Variants in CFAP299 observed in about 807,000 individuals in gnomAD.
CFAP299 encodes cilia- and flagella-associated protein 299.
A neutral mutation model predicts 27.0 loss-of-function variants in CFAP299; 21 were observed. The observed-to-expected ratio is 0.78, with a 90% CI of 0.55 to 1.12. CFAP299 has a LOEUF of 1.12. CFAP299 is among the 50% of genes most tolerant of loss of function. CFAP299 has a pLI of 0.00. For missense variants in CFAP299, 310 were observed against 276.6 expected, an observed-to-expected ratio of 1.12 and a Z score of -0.86; for synonymous variants, 104 against 98.1, an observed-to-expected ratio of 1.06 and a Z score of -0.36.
intron 3 of CFAP299, among the ~76,000 whole-genome samples, chr4:80,799,132 T>A (rs1417429771): frequency 7.5e-5 from 9 of 120,154 alleles, no homozygotes; most frequent in East Asian, 3.2e-4. Context: ...TATACAATAT[T>A]TATATATATA....
At chr4:80,871,548 G>C (rs1733098649) in intron 4 of CFAP299, 2 of 985,380 alleles carry the variant, frequency 2.0e-6, no homozygotes, top group Non-Finnish European at 2.4e-6. Flanking sequence ...TATTGCTTCT[G>C]TGTCACCTGT....
chr4:80,366,248 T>C (rs1292099255), intron 2 of CFAP299, among the ~76,000 whole-genome samples: 10 of 152,218 alleles, frequency 6.6e-5, no homozygotes. Flanking sequence ...TCATCTTACA[T>C]TAACTTCTTT....
At chr4:80,384,435 G>A (rs191666360) in intron 2 of CFAP299, among the ~76,000 whole-genome samples, 10 of 152,244 alleles carry the variant, frequency 6.6e-5, no homozygotes, top group South Asian at 2.1e-4. Context: ...CATTCAGTTA[G>A]TAATGTTTCA....
chr4:80,538,814 A>G (rs1560613950), intron 2 of CFAP299, among the ~76,000 whole-genome samples: 1 of 152,216 alleles, frequency 6.6e-6, no homozygotes, highest in Admixed American at 6.5e-5. Context: ...TTCTCAGAAT[A>G]TATACCCGTA....
chr4:80,679,472 C>T (rs1407610794), intron 3 of CFAP299, among the ~76,000 whole-genome samples: 2 of 151,874 alleles, frequency 1.3e-5, no homozygotes, highest in East Asian at 1.9e-4. Flanking sequence ...GGCAAGTGCA[C>T]GTTTCATTTT....
intron 1 of CFAP299, among the ~76,000 whole-genome samples, chr4:80,361,167 G>T (rs1456108910): frequency 1.3e-5 from 2 of 152,202 alleles, no homozygotes; most frequent in Admixed American, 6.5e-5. Flanking sequence ...TTTCTCAATA[G>T]ATCATGCCAT....
At chr4:80,389,689 C>T (rs535053870) in intron 2 of CFAP299, among the ~76,000 whole-genome samples, 7 of 152,194 alleles carry the variant, frequency 4.6e-5, no homozygotes, top group East Asian at 3.9e-4. Flanking sequence ...ATTGGCTAAC[C>T]GAGTTCATTA....
the CFAP299 span, among the ~76,000 whole-genome samples, chr4:80,322,146 G>A: frequency 6.6e-6 from 1 of 152,208 alleles, no homozygotes; most frequent in Non-Finnish European, 1.5e-5. Flanking sequence ...TAAGCCCTCG[G>A]TTCTGTCCTT....
chr4:80,942,332 T>G (rs921184394), intron 4 of CFAP299, among the ~76,000 whole-genome samples: 9 of 152,140 alleles, frequency 5.9e-5, no homozygotes, highest in Non-Finnish European at 1.5e-5. Flanking sequence ...AACGTTGGAA[T>G]CCAAGTGGTC....
intron 4 of CFAP299, among the ~76,000 whole-genome samples, chr4:80,918,084 C>A (rs1373922173): frequency 2.0e-5 from 3 of 152,204 alleles, no homozygotes; most frequent in African/African-American, 7.2e-5. Context: ...TTCTAAAATC[C>A]TTTTAAGATA....
intron 3 of CFAP299, among the ~76,000 whole-genome samples, chr4:80,860,868 C>G (rs1413806377): frequency 6.6e-6 from 1 of 152,156 alleles, no homozygotes; most frequent in Non-Finnish European, 1.5e-5. Context: ...GGTCAGGGAC[C>G]CACTTGAGGA....
intron 2 of CFAP299, among the ~76,000 whole-genome samples, chr4:80,455,574 T>C (rs1729103510): frequency 6.6e-6 from 1 of 151,882 alleles, no homozygotes; most frequent in South Asian, 2.1e-4. Context: ...TATAAAAAGA[T>C]AGATGGAATG....
chr4:80,803,325 G>A (rs1728705997), intron 3 of CFAP299, among the ~76,000 whole-genome samples: 1 of 152,028 alleles, frequency 6.6e-6, no homozygotes, highest in South Asian at 2.1e-4. Flanking sequence ...AATCAGAGAA[G>A]ATCTCACAAA....
intron 1 of CFAP299, among the ~76,000 whole-genome samples, chr4:80,338,067 T>TA (rs1722246311): frequency 6.6e-6 from 1 of 152,172 alleles, no homozygotes; most frequent in Non-Finnish European, 1.5e-5. Flanking sequence ...TGGATCATGC[T>TA]AAGTGAGCTG....
chr4:80,501,132 T>C (rs563214000), intron 2 of CFAP299, among the ~76,000 whole-genome samples: 26 of 152,184 alleles, frequency 1.7e-4, no homozygotes, highest in African/African-American at 5.8e-4. Context: ...TGATCAGCAT[T>C]TCTAGTAGTT....
chr4:80,959,972 CTCTTTATATGTG>C (rs1738263335), intron 5 of CFAP299, among the ~76,000 whole-genome samples: 3 of 151,808 alleles, frequency 2.0e-5, no homozygotes, highest in African/African-American at 7.2e-5. Context: ...AGAACCTTAG[CTCTTTATATGTG>C]AGGAAACTGT....
intron 2 of CFAP299, among the ~76,000 whole-genome samples, chr4:80,476,968 TG>T (rs1730311951): frequency 1.3e-5 from 2 of 151,940 alleles, no homozygotes; most frequent in Non-Finnish European, 1.5e-5. Context: ...TGCGTGTGTG[TG>T]TGTGTGTGTG....
chr4:80,861,424 G>A (rs1308741180), intron 3 of CFAP299, among the ~76,000 whole-genome samples: 1 of 152,140 alleles, frequency 6.6e-6, no homozygotes, highest in Admixed American at 6.5e-5. Flanking sequence ...CCACTGACCT[G>A]TGCCCACTGT....
chr4:80,799,692 ATAT>A (rs1560417172), intron 3 of CFAP299, among the ~76,000 whole-genome samples: 5 of 47,690 alleles, frequency 1.0e-4, no homozygotes, highest in Non-Finnish European at 1.3e-4. Context: ...TAAATATATA[ATAT>A]ATAAAATATA....
Sources: gnomAD v4.1 joint callset for allele counts (sites outside exome capture counted in the v4.1 genomes callset) on GRCh38, gnomAD v4.1.1 for gene constraint, MANE v1.5 for transcripts, NCBI Gene and HGNC (gene_info 2026-07-23, HGNC 2026-07-21) for gene names.